The following GSPT1 variants were observed in gnomAD, a reference collection of about 807,000 sequenced individuals.
GSPT1 encodes eukaryotic peptide chain release factor GTP-binding subunit ERF3A.
In GSPT1, 20 loss-of-function variants were observed where a neutral mutation model predicts 72.5. The observed-to-expected ratio is 0.28, with a 90% confidence interval of 0.19 to 0.40. GSPT1 has a LOEUF of 0.40. GSPT1 is among the 10% of genes least tolerant of loss of function. GSPT1 has a pLI of 1.00. For synonymous variants in GSPT1, 334 were observed against 293.5 expected, an observed-to-expected ratio of 1.14 and a Z score of -1.41; for missense variants, 580 against 811.9, an observed-to-expected ratio of 0.71 and a Z score of 3.47.
At chr16:11,916,472 G>C (rs1269383873), upstream of GSPT1, among the ~76,000 whole-genome samples, 3 of 152,154 alleles carry the variant, frequency 2.0e-5, no homozygotes, top group Non-Finnish European at 4.4e-5. Flanking sequence ...CACCTTTCCT[G>C]CGTTCTCTGC....
In GSPT1 at chr16:11,885,174, T is replaced by G. The variant is rs1373385613; in HGVS notation, c.1347+7A>C. On this transcript the variant is annotated splice_region_variant and intron_variant, in intron 10 of 14. Transcript: ENST00000434724. ...AGGAAACCCAATTTCTTTAACATTT[T>G]GGGTACCTTGTACTTATCCACAATT... The G allele has an allele frequency of 7.2e-6, 10 of 1,395,792 alleles. No individual in the cohort carries two copies. Among genetic ancestry groups the G allele is most frequent in the Non-Finnish European group, 1.0e-5 (10 of 981,712 alleles). 86.5% of individuals were successfully genotyped at this position (1,395,792 alleles called of 1,614,324 possible). A position where few individuals can be genotyped will look rare whatever the true frequency, so the allele number is the denominator to read the frequency against.
rs544516782 is a variant in GSPT1, at chr16:11,873,551, T to A, written c.1862-380A>T. ...GTCTTGAACTCCTGACCTCAGGTGA[T>A]CCACCCGCCTCAGCCTCCCAAAGTG... On this transcript the variant is annotated intron_variant, in intron 14 of 14. Coordinates refer to ENST00000434724, the MANE Select transcript of GSPT1 (RefSeq NM_002094.4). 2.7e-4 allele frequency among the ~76,000 whole-genome samples: 41 copies of A among 152,160 alleles called. No homozygotes were observed. The East Asian group carries it at 5.0e-3, about 19-fold the overall frequency.
rs2054043812 is a variant in GSPT1, at chr16:11,876,131, A to C, written c.1647T>G (p.Asn549Lys). The C allele has an allele frequency of 6.2e-7, 1 of 1,609,802 alleles. No homozygotes were observed. Among genetic ancestry groups the C allele is most frequent in the Non-Finnish European group, 8.5e-7 (1 of 1,176,050 alleles). Residue 549 changes from asparagine (N) to lysine (K), a missense_variant, in exon 13 of 15, where the codon AAT becomes AAG. Physicochemically the swap from Asn to Lys is moderately conservative, Grantham distance 94. Transcript: ENST00000434724. The part of the protein sequence containing the change: ...EHKSIICPGY[N>K]AVLHIHTCIE... ...TACAGGTATGAATATGCAGCACCGC[A>C]TTATAGCCTGGGCAGATGATGGATT...
intron 1 of GSPT1, among the ~76,000 whole-genome samples, chr16:11,899,452 A>G (rs2054378734): frequency 6.6e-6 from 1 of 152,150 alleles, no homozygotes; most frequent in Non-Finnish European, 1.5e-5. Flanking sequence ...CACCACTGCA[A>G]GAAAGCATGC....
At chr16:11,878,347 C>T (rs1447028738) in intron 11 of GSPT1, among the ~76,000 whole-genome samples, 1 of 152,088 alleles carries the variant, frequency 6.6e-6, no homozygotes, top group Non-Finnish European at 1.5e-5. Flanking sequence ...AAACTCCTGA[C>T]CTCAGGTGAT....
In GSPT1 at chr16:11,870,579, T is replaced by A. The variant is rs1265876206; in HGVS notation, c.*2540A>T. ...GACAGCATAGGAATTTGTATTGCTC[T>A]ATAACGGTCCAACATCTCCACATAA... On this transcript the variant is annotated 3_prime_UTR_variant, in exon 15 of 15. Coordinates refer to ENST00000434724, the MANE Select transcript of GSPT1 (RefSeq NM_002094.4). The A allele has an allele frequency of 6.6e-6, 1 of 152,260 alleles. No individual in the cohort carries two copies. Among genetic ancestry groups the A allele is most frequent in the Non-Finnish European group, 1.5e-5 (1 of 68,054 alleles). 9.4% of individuals were successfully genotyped at this position (152,260 alleles called of 1,614,324 possible).
At chr16:11,885,751 G>C (rs33649) in intron 9 of GSPT1, among the ~76,000 whole-genome samples, 68,968 of 151,618 alleles carry the variant, frequency 0.45, 16,898 homozygotes, top group East Asian at 0.76. Context: ...AATCAGCCGG[G>C]TGCGGTGGCA....
chr16:11,906,879 T>A (rs1474244617), intron 1 of GSPT1, among the ~76,000 whole-genome samples: 1 of 152,056 alleles, frequency 6.6e-6, no homozygotes, highest in Non-Finnish European at 1.5e-5. Flanking sequence ...CAAAGAACGA[T>A]CCCATCTCTG....
chr16:11,914,854 C>G (rs2054609053), intron 1 of GSPT1: 1 of 453,588 alleles, frequency 2.2e-6, no homozygotes, highest in African/African-American at 2.0e-5. Flanking sequence ...GGTTGGGGGC[C>G]ACGGACAGTT....
chr16:11,872,898 G>C lies in GSPT1; in HGVS notation c.*221C>G. The C allele has an allele frequency of 2.4e-6, 1 of 422,900 alleles. No individual in the cohort carries two copies. The highest frequency in any genetic ancestry group is 7.7e-5 in the South Asian group (1 of 13,052). The allele number at this position is 422,900 out of a possible 1,614,324, so 26.2% of individuals were successfully genotyped here. A position where few individuals can be genotyped will look rare whatever the true frequency, so the allele number is the denominator to read the frequency against. The stretch of plus-strand genomic sequence containing the variant: ...TCTGTCCAAGGAAGCAGAGTTTGAA[G>C]TGAGGGCTAGGGACAGGAATCTTGG... On this transcript the variant is annotated 3_prime_UTR_variant, in exon 15 of 15. Transcript: ENST00000434724.
chr16:11,901,092 G>A (rs1567448008), intron 1 of GSPT1, among the ~76,000 whole-genome samples: 1 of 152,204 alleles, frequency 6.6e-6, no homozygotes, highest in Non-Finnish European at 1.5e-5. Flanking sequence ...GGAGGGTCAA[G>A]GTTGCAATGA....
rs1163592968 is a variant in GSPT1 at position 11,887,022 on chromosome 16, T to G, written c.958-91A>C. ...TCTTTCCTTTCAGTTATATCACGAG[T>G]TTTTTTTTTTTTTTTTGCAAGAAAA... On this transcript the variant is annotated intron_variant, in intron 7 of 14. Coordinates refer to ENST00000434724, the MANE Select transcript of GSPT1 (RefSeq NM_002094.4). 10 of 294,754 alleles carry G rather than the reference T, an allele frequency of 3.4e-5. No homozygotes were observed. The Admixed American group carries it at 1.1e-3, about 32-fold the overall frequency. 18.3% of individuals were successfully genotyped at this position (294,754 alleles called of 1,614,324 possible). A position where few individuals can be genotyped will look rare whatever the true frequency, so the allele number is the denominator to read the frequency against.
intron 3 of GSPT1, 28 bp downstream of exon 3, chr16:11,897,812 G>T (rs755264709): frequency 1.9e-5 from 23 of 1,182,712 alleles, no homozygotes; most frequent in Non-Finnish European, 1.2e-6. Context: ...TCATATTACT[G>T]TATTAATATG....
At chr16:11,879,637 G>A (rs1360454512) in intron 11 of GSPT1, among the ~76,000 whole-genome samples, 3 of 150,720 alleles carry the variant, frequency 2.0e-5, no homozygotes, top group Non-Finnish European at 4.4e-5. Flanking sequence ...GGAGGCTGAG[G>A]CAGGAGCATT....
At chr16:11,873,721 G>A (rs1044639276) in intron 14 of GSPT1, among the ~76,000 whole-genome samples, 4 of 151,834 alleles carry the variant, frequency 2.6e-5, no homozygotes, top group Non-Finnish European at 4.4e-5. Flanking sequence ...CTGAGTAGCT[G>A]GGAGTATAGG....
chr16:11,894,878 C>T, intron 5 of GSPT1, 76 bp downstream of exon 5: 1 of 871,750 alleles, frequency 1.1e-6, no homozygotes, highest in Non-Finnish European at 1.9e-6. Context: ...CTTTGTGTGA[C>T]TGTATGAAGG....
rs1485858266 is a variant in GSPT1 at position 11,877,754 on chromosome 16, G to C, written c.1429-174C>G. Among the ~76,000 whole-genome samples the C allele has an allele frequency of 6.6e-6, 1 of 152,194 alleles. No homozygotes were observed. The highest frequency in any genetic ancestry group is 1.5e-5 in the Non-Finnish European group (1 of 68,038). ...TATGATCAGCAAAAATCATATCCTAGAAGTATAACTGCCAATTAAAGTATT... is the reference window on the plus strand; with the variant it reads ...TATGATCAGCAAAAATCATATCCTACAAGTATAACTGCCAATTAAAGTATT... On this transcript the variant is annotated intron_variant, in intron 11 of 14. Coordinates refer to ENST00000434724, the MANE Select transcript of GSPT1 (RefSeq NM_002094.4). This position sits in a 1 kb window ranked among gnomAD's most constrained non-coding sequence, Gnocchi z 4.0.
At chr16:11,900,981 C>G (rs1028594142) in intron 1 of GSPT1, among the ~76,000 whole-genome samples, 2 of 151,882 alleles carry the variant, frequency 1.3e-5, no homozygotes, top group African/African-American at 4.8e-5. Flanking sequence ...TGGCAAAACC[C>G]CACCTGTACC....
chr16:11,878,717 G>T (rs761457358), intron 11 of GSPT1, among the ~76,000 whole-genome samples: 2 of 151,892 alleles, frequency 1.3e-5, no homozygotes, highest in Non-Finnish European at 2.9e-5. Context: ...TGAAGCAAAA[G>T]AACAAGTGAC....
Sources: allele counts gnomAD v4.1 joint callset (sites outside exome capture counted in the v4.1 genomes callset), GRCh38; gene constraint gnomAD v4.1.1; non-coding constraint Gnocchi (gnomAD v3.1); transcripts MANE v1.5; gene names NCBI Gene and HGNC (gene_info 2026-07-23, HGNC 2026-07-21).